The following SLC24A4 variants were observed in gnomAD, a reference collection of about 807,000 sequenced individuals.
SLC24A4 encodes the protein solute carrier family 24 member 4.
Under a neutral mutation model 79.0 loss-of-function variants are expected in SLC24A4, and 53 were observed. The ratio of observed to expected loss-of-function variants is 0.67; its 90% CI spans 0.54 to 0.84. SLC24A4 has a LOEUF of 0.84. Ranked by LOEUF, SLC24A4 falls within the 40% of genes least tolerant of loss-of-function variation. The pLI is 0.00. For missense variants in SLC24A4, 731 were observed against 822.0 expected (o/e 0.89, Z 1.35); for synonymous variants, 323 against 323.8 (o/e 1.00, Z 0.03).
chr14:92,439,680 G>C (rs1349861652), intron 4 of SLC24A4, among the ~76,000 whole-genome samples: 1 of 152,258 alleles, frequency 6.6e-6, no homozygotes, highest in Non-Finnish European at 1.5e-5. Context: ...CAGGCTGTTG[G>C]CACTTGTGTC....
At chr14:92,438,873 G>A (rs1892330786) in intron 3 of SLC24A4, among the ~76,000 whole-genome samples, 1 of 152,104 alleles carries the variant, frequency 6.6e-6, no homozygotes, top group Admixed American at 6.6e-5. Flanking sequence ...TTGGGGGCTG[G>A]GGCTTAAAGT....
chr14:92,370,582 A>G (rs1379887678), intron 2 of SLC24A4, among the ~76,000 whole-genome samples: 1 of 152,226 alleles, frequency 6.6e-6, no homozygotes, highest in Non-Finnish European at 1.5e-5. Flanking sequence ...TATTAAAACA[A>G]AAGAAGGAGA....
chr14:92,352,198 A>G (rs1886934532), intron 2 of SLC24A4, among the ~76,000 whole-genome samples: 1 of 152,144 alleles, frequency 6.6e-6, no homozygotes, highest in African/African-American at 2.4e-5. Flanking sequence ...GGCACCGTGA[A>G]CAGGTGTGGG....
intron 12 of SLC24A4, among the ~76,000 whole-genome samples, chr14:92,476,417 C>T (rs1372443992): frequency 6.6e-6 from 1 of 151,646 alleles, no homozygotes; most frequent in East Asian, 1.9e-4. Flanking sequence ...TTCAAGCTAA[C>T]CATATTCTCT....
At chr14:92,429,149 G>A (rs375185841) in intron 2 of SLC24A4, among the ~76,000 whole-genome samples, 3 of 152,178 alleles carry the variant, frequency 2.0e-5, no homozygotes, top group South Asian at 2.1e-4. Flanking sequence ...CACGTGTCTC[G>A]GTGCATTCAG....
chr14:92,493,878 C>A lies in SLC24A4; in HGVS notation c.*250C>A, dbSNP rs866082643. On this transcript the variant is annotated 3_prime_UTR_variant, in exon 17 of 17. Coordinates refer to ENST00000532405, the MANE Select transcript of SLC24A4 (RefSeq NM_153646.4). ...CCATTATCTGAGCAGCTTCAAAGAC[C>A]CCTGAGCTGCCAACCACGGAGATGT... is the stretch of plus-strand genomic sequence containing the variant. 1.2e-5 allele frequency: 6 copies of A among 516,886 alleles called. No homozygotes were observed. The highest frequency in any genetic ancestry group is 2.1e-5 in the Non-Finnish European group (6 of 289,424). The allele number at this position is 516,886 out of a possible 1,614,324, so 32.0% of individuals were successfully genotyped here. A position where few individuals can be genotyped will look rare whatever the true frequency, so the allele number is the denominator to read the frequency against.
chr14:92,389,557 G>C (rs1180775077), intron 2 of SLC24A4, among the ~76,000 whole-genome samples: 3 of 152,140 alleles, frequency 2.0e-5, no homozygotes, highest in Non-Finnish European at 4.4e-5. Context: ...ACCTCTCCCT[G>C]GGGCTTTGCT....
chr14:92,388,096 A>G (rs922690433), intron 2 of SLC24A4, among the ~76,000 whole-genome samples: 3 of 135,474 alleles, frequency 2.2e-5, no homozygotes, highest in African/African-American at 1.0e-4. Context: ...GTAATTCTGT[A>G]TTTAATTTTT....
At chr14:92,454,186 G>C in intron 11 of SLC24A4, 117 bp downstream of exon 11, 11 of 1,119,130 alleles carry the variant, frequency 9.8e-6, no homozygotes, top group Non-Finnish European at 1.4e-5. Flanking sequence ...GGATGCCCTG[G>C]GGCCTCCAGA....
rs141131742 is a variant in SLC24A4 at position 92,443,430 on chromosome 14, C to T, written c.613C>T (p.Arg205Ter). Residue 205 changes from arginine to a stop codon, truncating the protein, a stop_gained, in exon 7 of 17, where the codon CGA (arginine) becomes TGA (stop). Coordinates refer to ENST00000532405, the MANE Select transcript of SLC24A4 (RefSeq NM_153646.4). LOFTEE classifies it high-confidence loss of function. ...VVRLTWWAVCRDSVYYTISVI... is the reference protein window; with the variant it reads ...VVRLTWWAVC ...CCGTCTGACGTGGTGGGCCGTGTGC[C>T]GAGACTCCGTGTACTACACCATCTC... is the stretch of plus-strand genomic sequence containing the variant. The T allele has an allele frequency of 3.1e-6, 5 of 1,614,000 alleles. No individual in the cohort carries two copies. The highest frequency in any genetic ancestry group is 1.7e-5 in the Admixed American group (1 of 60,006).
At chr14:92,356,831 A>C (rs1887208445) in intron 2 of SLC24A4, among the ~76,000 whole-genome samples, 1 of 152,206 alleles carries the variant, frequency 6.6e-6, no homozygotes, top group African/African-American at 2.4e-5. Flanking sequence ...ACCCTCACAC[A>C]CATGTGACAG....
In SLC24A4 at chr14:92,375,888, A is replaced by T. The variant is rs149949900; in HGVS notation, c.241+49910A>T. ...TGATGAGGAAAATATTTGCAACAAGATGGTTCTTCCCAAAGGTGGTGTGTG... is the reference window on the plus strand; with the variant it reads ...TGATGAGGAAAATATTTGCAACAAGTTGGTTCTTCCCAAAGGTGGTGTGTG... On this transcript the variant is annotated intron_variant, in intron 2 of 16. Transcript: ENST00000532405. 9.2e-5 allele frequency among the ~76,000 whole-genome samples: 14 copies of T among 152,168 alleles called. No homozygotes were observed. The East Asian group carries it at 2.5e-3, about 27-fold the overall frequency.
intron 2 of SLC24A4, among the ~76,000 whole-genome samples, chr14:92,403,704 T>C (rs1311786863): frequency 6.6e-6 from 1 of 152,012 alleles, no homozygotes; most frequent in African/African-American, 2.4e-5. Flanking sequence ...CCCTTCTAGA[T>C]ACAGTTAGGG....
chr14:92,351,519 C>T (rs1886867993), intron 2 of SLC24A4, among the ~76,000 whole-genome samples: 1 of 152,212 alleles, frequency 6.6e-6, no homozygotes, highest in South Asian at 2.1e-4. Flanking sequence ...GAGCAAGACA[C>T]ATGCCTATTA....
In SLC24A4 at chr14:92,493,718, T is replaced by C. The variant is rs1182216319; in HGVS notation, c.*90T>C. 3 of 1,428,668 alleles carry C rather than the reference T, an allele frequency of 2.1e-6. No homozygotes were observed. Among genetic ancestry groups the C allele is most frequent in the East Asian group, 2.4e-5 (1 of 42,110 alleles). The allele number at this position is 1,428,668 out of a possible 1,614,324, so 88.5% of individuals were successfully genotyped here. The stretch of plus-strand genomic sequence containing the variant: ...TCCTTCCCCCACCACAGGTCTCTCC[T>C]GCATAGGCAGCCACTGTCCGTTCTT... On this transcript the variant is annotated 3_prime_UTR_variant, in exon 17 of 17. Coordinates refer to ENST00000532405, the MANE Select transcript of SLC24A4 (RefSeq NM_153646.4).
At chr14:92,371,719 A>G (rs933443537) in intron 2 of SLC24A4, among the ~76,000 whole-genome samples, 16 of 152,188 alleles carry the variant, frequency 1.1e-4, no homozygotes, top group African/African-American at 3.9e-4. Context: ...CACATCCTTG[A>G]TCTCCATGGC....
chr14:92,476,029 G>C (rs1894745285), intron 12 of SLC24A4, among the ~76,000 whole-genome samples: 1 of 152,124 alleles, frequency 6.6e-6, no homozygotes, highest in South Asian at 2.1e-4. Flanking sequence ...GTTGAAACCG[G>C]ATGCAAAACC....
intron 2 of SLC24A4, among the ~76,000 whole-genome samples, chr14:92,365,454 C>T (rs575582056): frequency 2.0e-4 from 31 of 152,336 alleles, no homozygotes; most frequent in Non-Finnish European, 2.2e-4. Flanking sequence ...CTTAGGTGGA[C>T]ACCCCAATCC....
chr14:92,347,859 G>C (rs1886630106), intron 2 of SLC24A4, among the ~76,000 whole-genome samples: 1 of 152,190 alleles, frequency 6.6e-6, no homozygotes, highest in African/African-American at 2.4e-5. Flanking sequence ...CCTGGAAGGA[G>C]AGGTTGCAGT....
Sources: allele counts gnomAD v4.1 joint callset (sites outside exome capture counted in the v4.1 genomes callset), GRCh38; gene constraint gnomAD v4.1.1; transcripts MANE v1.5; gene names NCBI Gene and HGNC (gene_info 2026-07-23, HGNC 2026-07-21).